KLHL1: variants seen among roughly 807,000 people sequenced by gnomAD.
KLHL1 encodes kelch-like protein 1.
KLHL1 carries 47 observed loss-of-function variants against 77.7 expected under a neutral mutation model. The ratio of observed to expected loss-of-function variants is 0.60; its 90% CI spans 0.48 to 0.77. The LOEUF (loss-of-function observed/expected upper bound fraction) is 0.77, where lower values mean the gene tolerates loss of function less well. KLHL1 is among the 30% of genes least tolerant of loss of function. KLHL1 has a pLI of 0.00. For synonymous variants in KLHL1, 360 were observed against 325.2 expected (o/e 1.11, Z -1.15); for missense variants, 925 against 910.8 (o/e 1.02, Z -0.20).
intron 4 of KLHL1, among the ~76,000 whole-genome samples, chr13:69,884,568 AAT>A (rs1335525244): frequency 2.6e-5 from 4 of 152,126 alleles, no homozygotes; most frequent in Non-Finnish European, 5.9e-5. Context: ...AGGCCATCAA[AAT>A]ATAGTGAGGG....
chr13:69,823,040 A>G (rs1331858460), intron 6 of KLHL1, among the ~76,000 whole-genome samples: 1 of 152,192 alleles, frequency 6.6e-6, no homozygotes, highest in Non-Finnish European at 1.5e-5. Flanking sequence ...TTTTAACTGT[A>G]TTTGCTCTGT....
At chr13:70,014,729 G>A (rs1885616678) in intron 1 of KLHL1, among the ~76,000 whole-genome samples, 1 of 152,130 alleles carries the variant, frequency 6.6e-6, no homozygotes, top group Admixed American at 6.5e-5. Context: ...TATGAATGAT[G>A]AGATAATGTT....
chr13:70,063,285 G>A (rs1487714203), intron 1 of KLHL1, among the ~76,000 whole-genome samples: 1 of 151,988 alleles, frequency 6.6e-6, no homozygotes, highest in Non-Finnish European at 1.5e-5. Context: ...TTTATTTCAG[G>A]GAGCCCCTCC....
At chr13:69,714,215 T>C (rs1394369946) in intron 9 of KLHL1, among the ~76,000 whole-genome samples, 1 of 152,200 alleles carries the variant, frequency 6.6e-6, no homozygotes, top group Non-Finnish European at 1.5e-5. Context: ...TTCTGTATAA[T>C]GATGAATGGA....
At chr13:70,042,946 C>T (rs1427239928) in intron 1 of KLHL1, among the ~76,000 whole-genome samples, 2 of 152,148 alleles carry the variant, frequency 1.3e-5, no homozygotes, top group African/African-American at 2.4e-5. Context: ...CACTCTGTTG[C>T]CCAGGCTGGA....
intron 1 of KLHL1, among the ~76,000 whole-genome samples, chr13:70,083,171 C>A (rs1042289320): frequency 1.3e-5 from 2 of 152,024 alleles, no homozygotes; most frequent in African/African-American, 4.8e-5. Context: ...TAATAGTGAG[C>A]ATTTAAACTG....
At chr13:69,827,250 T>C (rs1427715674) in intron 6 of KLHL1, among the ~76,000 whole-genome samples, 2 of 151,672 alleles carry the variant, frequency 1.3e-5, no homozygotes, top group East Asian at 1.9e-4. Flanking sequence ...TTGTCAATTA[T>C]ATAATTTCTT....
At chr13:69,898,362 G>T (rs983160001) in intron 4 of KLHL1, among the ~76,000 whole-genome samples, 14 of 152,336 alleles carry the variant, frequency 9.2e-5, no homozygotes, top group Admixed American at 3.3e-4. Flanking sequence ...GAGATCAGAG[G>T]TCTTATGCCA....
intron 7 of KLHL1, among the ~76,000 whole-genome samples, chr13:69,786,275 C>A (rs563884566): frequency 1.6e-4 from 24 of 152,082 alleles, no homozygotes; most frequent in Non-Finnish European, 3.2e-4. Flanking sequence ...ACTGGCAAAC[C>A]AAATCCAGCA....
At chr13:69,958,359 G>A (rs904923068) in intron 3 of KLHL1, among the ~76,000 whole-genome samples, 12 of 151,726 alleles carry the variant, frequency 7.9e-5, no homozygotes, top group African/African-American at 2.9e-4. Context: ...GGTAACAAAT[G>A]TTGGATGAGT....
chr13:69,718,488 T>C (rs1872878765), intron 9 of KLHL1, among the ~76,000 whole-genome samples: 1 of 152,126 alleles, frequency 6.6e-6, no homozygotes, highest in Non-Finnish European at 1.5e-5. Flanking sequence ...AGCATCATGG[T>C]ATTAAACCAC....
chr13:70,098,104 TC>T (rs1231127129), intron 1 of KLHL1, among the ~76,000 whole-genome samples: 2 of 151,848 alleles, frequency 1.3e-5, no homozygotes, highest in Admixed American at 1.3e-4. Flanking sequence ...TTTCATTAAC[TC>T]TGGTATTATA....
intron 4 of KLHL1, among the ~76,000 whole-genome samples, chr13:69,900,006 A>G (rs1234262074): frequency 6.6e-6 from 1 of 152,104 alleles, no homozygotes; most frequent in African/African-American, 2.4e-5. Flanking sequence ...TTACTATAAC[A>G]TTGTTAATTC....
chr13:69,764,929 C>CCTTT (rs1875206792), intron 7 of KLHL1, among the ~76,000 whole-genome samples: 1 of 39,714 alleles, frequency 2.5e-5, no homozygotes, highest in African/African-American at 9.5e-5. Context: ...TATATCTTTG[C>CCTTT]TTTTTTTTTT....
rs1259294910 is a variant in KLHL1, at chr13:70,107,454, C to A, written c.246G>T (p.Pro82=). The change falls in exon 1 of 11, where the codon CCG becomes CCT. Residue 82 remains proline, a synonymous_variant. Coordinates refer to ENST00000377844, the MANE Select transcript of KLHL1 (RefSeq NM_020866.3). ...PSSSSSSSSS[P]SSSSSSFNPL... The stretch of plus-strand genomic sequence containing the variant: ...GATTGAAGGAAGAGGAGGAAGAGGA[C>A]GGGGAGGACGATGAAGAGGAAGAGG... 4.3e-6 allele frequency: 7 copies of A among 1,613,878 alleles called. No individual in the cohort carries two copies. The highest frequency in any genetic ancestry group is 2.2e-5 in the East Asian group (1 of 44,860).
intron 4 of KLHL1, among the ~76,000 whole-genome samples, chr13:69,908,306 G>A (rs186997904): frequency 2.6e-5 from 4 of 151,732 alleles, no homozygotes; most frequent in East Asian, 1.9e-4. Context: ...TCAAAGGGCC[G>A]AGAAGATGGG....
At chr13:69,981,858 A>G (rs960828009) in intron 1 of KLHL1, among the ~76,000 whole-genome samples, 2 of 152,040 alleles carry the variant, frequency 1.3e-5, no homozygotes, top group Non-Finnish European at 2.9e-5. Flanking sequence ...TGTGACTGTG[A>G]TTCTGAAACT....
At chr13:69,940,295 A>G in intron 3 of KLHL1, 59 bp from the exon 4 acceptor site, 1 of 1,295,562 alleles carries the variant, frequency 7.7e-7, no homozygotes, top group Admixed American at 2.5e-5. Flanking sequence ...AATATGTATC[A>G]TAACACTACA....
intron 1 of KLHL1, among the ~76,000 whole-genome samples, chr13:70,001,737 G>A (rs1885298336): frequency 6.6e-6 from 1 of 150,698 alleles, no homozygotes; most frequent in Admixed American, 6.6e-5. Context: ...GATCATATTA[G>A]TGTATTTTAA....
Sources: gnomAD v4.1 joint callset for allele counts (sites outside exome capture counted in the v4.1 genomes callset) on GRCh38, gnomAD v4.1.1 for gene constraint, MANE v1.5 for transcripts, NCBI Gene and HGNC (gene_info 2026-07-23, HGNC 2026-07-21) for gene names.